The following SNX18 variants were observed in gnomAD, a reference collection of about 807,000 sequenced individuals.
SNX18 encodes the protein sorting nexin 18.
Under a neutral mutation model 48.7 loss-of-function variants are expected in SNX18, and 35 were observed. The ratio of observed to expected loss-of-function variants is 0.72; its 90% CI spans 0.55 to 0.95. The LOEUF (loss-of-function observed/expected upper bound fraction) is 0.95. SNX18 is among the 40% of genes least tolerant of loss of function. SNX18 has a pLI of 0.00. For synonymous variants in SNX18, 492 were observed against 384.7 expected, an observed-to-expected ratio of 1.28 and a Z score of -3.26; for missense variants, 824 against 871.0, an observed-to-expected ratio of 0.95 and a Z score of 0.68.
At chr5:54,559,431 C>T in the SNX18 span, among the ~76,000 whole-genome samples, 1 of 152,150 alleles carries the variant, frequency 6.6e-6, no homozygotes, top group Non-Finnish European at 1.5e-5. Context: ...ACACCTACAA[C>T]CATCTGATTA....
chr5:54,629,656 A>G, the SNX18 span, among the ~76,000 whole-genome samples: 1 of 152,332 alleles, frequency 6.6e-6, no homozygotes, highest in South Asian at 2.1e-4. Context: ...GAAGCCAACG[A>G]ATAATTCAAT....
the SNX18 span, among the ~76,000 whole-genome samples, chr5:54,608,757 G>C: frequency 6.6e-6 from 1 of 152,180 alleles, no homozygotes; most frequent in Non-Finnish European, 1.5e-5. Flanking sequence ...CTATATTCAA[G>C]TGTGCATCAC....
chr5:54,547,434 A>G (rs538449348), downstream of SNX18, among the ~76,000 whole-genome samples: 2 of 152,360 alleles, frequency 1.3e-5, no homozygotes, highest in Non-Finnish European at 2.9e-5. Context: ...TTTTTAAACT[A>G]GATTACACTG....
the SNX18 span, chr5:54,645,770 G>C: frequency 6.6e-6 from 1 of 152,222 alleles, no homozygotes; most frequent in Admixed American, 6.5e-5. Context: ...AAACCCATAT[G>C]AGTGTTTAGA....
chr5:54,631,682 G>T, the SNX18 span, among the ~76,000 whole-genome samples: 112,686 of 152,118 alleles, frequency 0.74, 42,618 homozygotes, highest in African/African-American at 0.9. Flanking sequence ...CAATAAACCA[G>T]GTGACAATCA....
At chr5:54,597,288 T>A in the SNX18 span, among the ~76,000 whole-genome samples, 8 of 152,280 alleles carry the variant, frequency 5.3e-5, no homozygotes, top group Non-Finnish European at 1.0e-4. Flanking sequence ...ACAATAATAG[T>A]GGGAGACTTT....
In SNX18 at chr5:54,545,449, A is replaced by G. The variant is rs999001148; in HGVS notation, c.*2017A>G. 1 of 152,030 alleles carries G rather than the reference A, an allele frequency of 6.6e-6. No individual in the cohort carries two copies. Among genetic ancestry groups the G allele is most frequent in the Non-Finnish European group, 1.5e-5 (1 of 67,980 alleles). 9.4% of individuals were successfully genotyped at this position (152,030 alleles called of 1,614,324 possible). On this transcript the variant is annotated 3_prime_UTR_variant, in exon 2 of 2. Transcript: ENST00000381410. Reference sequence around the variant, plus strand: ...AATAGTAAAATCACTAAACTTGTGCAATGGTAGCATGGAAATTATCTGAGG... The same window carrying G: ...AATAGTAAAATCACTAAACTTGTGCGATGGTAGCATGGAAATTATCTGAGG...
the SNX18 span, among the ~76,000 whole-genome samples, chr5:54,636,315 A>G: frequency 6.6e-6 from 1 of 152,052 alleles, no homozygotes; most frequent in South Asian, 2.1e-4. Flanking sequence ...ACAATACTTT[A>G]CCTGCTTAAA....
the SNX18 span, among the ~76,000 whole-genome samples, chr5:54,642,926 A>C: frequency 3.7e-4 from 56 of 152,324 alleles, no homozygotes; most frequent in African/African-American, 1.3e-3. Flanking sequence ...TGTGTACTGA[A>C]CAAACATGCA....
intron 1 of SNX18, among the ~76,000 whole-genome samples, chr5:54,526,296 C>T (rs115368509): frequency 0.012 from 1,832 of 152,018 alleles, 19 homozygotes; most frequent in Non-Finnish European, 0.02. Context: ...TTAGTAGAGA[C>T]GGGGTTTCAC....
At chr5:54,634,803 C>T in the SNX18 span, among the ~76,000 whole-genome samples, 1 of 152,032 alleles carries the variant, frequency 6.6e-6, no homozygotes, top group East Asian at 1.9e-4. Context: ...TATAAATATA[C>T]ACCATTTTGG....
At chr5:54,574,787 A>G in the SNX18 span, among the ~76,000 whole-genome samples, 798 of 152,200 alleles carry the variant, frequency 5.2e-3, 8 homozygotes, top group African/African-American at 0.018. Flanking sequence ...ACATGTATGA[A>G]GGGCTGGAAC....
At chr5:54,554,119 C>G in the SNX18 span, among the ~76,000 whole-genome samples, 3 of 152,368 alleles carry the variant, frequency 2.0e-5, no homozygotes, top group South Asian at 6.2e-4. Context: ...TGTATTGAAC[C>G]TTTCTTCTGC....
At chr5:54,540,836 C>CCG (rs1554020490) in intron 1 of SNX18, among the ~76,000 whole-genome samples, 1 of 151,886 alleles carries the variant, frequency 6.6e-6, no homozygotes, top group East Asian at 1.9e-4. Flanking sequence ...GAACATGGGA[C>CCG]TGGCTTCCTC....
At chr5:54,626,236 A>G in the SNX18 span, among the ~76,000 whole-genome samples, 1 of 152,212 alleles carries the variant, frequency 6.6e-6, no homozygotes, top group Non-Finnish European at 1.5e-5. Context: ...CTTTGGTGTG[A>G]TTGGAGTGAT....
At chr5:54,593,076 C>T in the SNX18 span, among the ~76,000 whole-genome samples, 2 of 152,256 alleles carry the variant, frequency 1.3e-5, no homozygotes, top group Middle Eastern at 3.4e-3. Flanking sequence ...ACTGGGATTA[C>T]AGGCATGAGC....
At chr5:54,552,109 G>A in the SNX18 span, among the ~76,000 whole-genome samples, 4 of 152,192 alleles carry the variant, frequency 2.6e-5, no homozygotes, top group African/African-American at 4.8e-5. Flanking sequence ...TGGGTGCCGC[G>A]TCTGTCCACC....
chr5:54,641,673 G>T, the SNX18 span, among the ~76,000 whole-genome samples: 3 of 152,214 alleles, frequency 2.0e-5, no homozygotes, highest in Non-Finnish European at 4.4e-5. Flanking sequence ...TTTATCCCTT[G>T]AGAAGAATTA....
At chr5:54,536,474 G>A (rs958946217) in intron 1 of SNX18, among the ~76,000 whole-genome samples, 1 of 147,822 alleles carries the variant, frequency 6.8e-6, no homozygotes, top group Non-Finnish European at 1.5e-5. Context: ...GTGAGAACAC[G>A]CAGTGTTTGG....
Sources: allele counts gnomAD v4.1 joint callset (sites outside exome capture counted in the v4.1 genomes callset), GRCh38; gene constraint gnomAD v4.1.1; transcripts MANE v1.5; gene names NCBI Gene and HGNC (gene_info 2026-07-23, HGNC 2026-07-21).